The following CFAP46 variants were observed in gnomAD, a reference collection of about 807,000 sequenced individuals.
The protein encoded by CFAP46 is cilia and flagella associated protein 46, also known as cilia- and flagella-associated protein 46.
CFAP46 carries 245 observed loss-of-function variants against 325.7 expected under a neutral mutation model. That is an observed-to-expected ratio of 0.75 (90% CI 0.68 to 0.84). The LOEUF is 0.84. Among genes scored for constraint, CFAP46 ranks in the 40% least tolerant of loss-of-function variants. CFAP46 has a pLI of 0.00. For synonymous variants in CFAP46, 1,523 were observed against 1,495.9 expected (o/e 1.02, Z -0.42); for missense variants, 3,346 against 3,543.0 (o/e 0.94, Z 1.41).
Position 132,913,159 on chromosome 10 carries a change from G to C in CFAP46, c.2220C>G (p.Ala740=), listed in dbSNP as rs1274480736. ...EIQEAWIVQN[A]VVYVLNHNHH... is the part of the protein sequence containing the mutation. Reference sequence around the variant, plus strand: ...GGTTGTGGTTCAGGACGTAGACCACGGCGTTCTGCACAATCCACGCCTCCT... The same window carrying C: ...GGTTGTGGTTCAGGACGTAGACCACCGCGTTCTGCACAATCCACGCCTCCT... The change falls in exon 18 of 58, where the codon GCC becomes GCG. Residue 740 remains alanine, a synonymous_variant. Transcript: ENST00000368586. 1.0e-5 allele frequency: 16 copies of C among 1,550,326 alleles called. No individual in the cohort carries two copies. The Admixed American group carries it at 3.1e-4, about 30-fold the overall frequency.
rs774409241 is a variant in CFAP46 at position 132,857,674 on chromosome 10, C to T, written c.5490G>A (p.Gln1830=). 6.2e-6 allele frequency: 10 copies of T among 1,613,192 alleles called. No individual in the cohort carries two copies. In the South Asian group the frequency reaches 1.1e-4, roughly 18 times the overall value. ...AEEEGRLHSI[Q]GLYGLAQGAM... is the part of the protein sequence containing the mutation. ...CGCCCTGGGCCAGGCCATATAAGCC[C>T]TGGATGCTGTGAAGCCTCCCTTCTT... is the stretch of plus-strand genomic sequence containing the variant. The change falls in exon 39 of 58, where the codon CAG becomes CAA. Residue 1830 remains glutamine (Q), a synonymous_variant. Transcript: ENST00000368586.
chr10:132,940,083 G>A (rs1850072905), intron 4 of CFAP46, among the ~76,000 whole-genome samples: 1 of 152,022 alleles, frequency 6.6e-6, no homozygotes, highest in Non-Finnish European at 1.5e-5. Flanking sequence ...CTTGTCTTTA[G>A]AATCTGTGGC....
At chr10:132,924,167 C>T (rs1363951127) in intron 11 of CFAP46, among the ~76,000 whole-genome samples, 2 of 152,178 alleles carry the variant, frequency 1.3e-5, no homozygotes, top group East Asian at 1.9e-4. Flanking sequence ...CCCCCAGTAC[C>T]TGTCTCCTGC....
intron 55 of CFAP46, among the ~76,000 whole-genome samples, chr10:132,811,567 C>T (rs980104925): frequency 2.0e-5 from 3 of 152,200 alleles, no homozygotes; most frequent in Admixed American, 2.0e-4. Context: ...TCCACGGAAG[C>T]AGGGATCGGG....
At chr10:132,816,328 CTTTTTTT>C (rs1008391673) in intron 50 of CFAP46, among the ~76,000 whole-genome samples, 1 of 118,842 alleles carries the variant, frequency 8.4e-6, no homozygotes, top group African/African-American at 3.2e-5. Context: ...CTGACTTCTT[CTTTTTTT>C]TTTTTTTTTT....
chr10:132,842,577 A>G (rs1054430834), intron 44 of CFAP46, among the ~76,000 whole-genome samples: 6 of 152,222 alleles, frequency 3.9e-5, no homozygotes, highest in African/African-American at 1.2e-4. Flanking sequence ...AGCTGCTTCC[A>G]TATTTTCAAG....
At chr10:132,820,775 G>C (rs553322028) in intron 50 of CFAP46, among the ~76,000 whole-genome samples, 1 of 131,536 alleles carries the variant, frequency 7.6e-6, no homozygotes, top group East Asian at 2.4e-4. Context: ...CTGTGTGTGC[G>C]CTGATGCGTG....
chr10:132,820,976 CTGA>C (rs201299541), intron 50 of CFAP46, among the ~76,000 whole-genome samples: 8 of 114,136 alleles, frequency 7.0e-5, no homozygotes, highest in East Asian at 5.7e-4. Flanking sequence ...TGTGTGTGTG[CTGA>C]TGTGTGCTGT....
chr10:132,836,748 C>T, intron 45 of CFAP46, 69 bp downstream of exon 45: 1 of 1,351,874 alleles, frequency 7.4e-7, no homozygotes, highest in East Asian at 2.3e-5. Context: ...CAGCCCACGG[C>T]TGGGTCTCTG....
rs1405753160 is a variant in CFAP46, at chr10:132,920,241, C to A, written c.1607-59G>T. The A allele has an allele frequency of 1.8e-5, 27 of 1,468,946 alleles. No homozygotes were observed. In the Middle Eastern group the frequency reaches 8.7e-4, roughly 47 times the overall value. 91.0% of individuals were successfully genotyped at this position (1,468,946 alleles called of 1,614,324 possible). ...CTGCTGGCCAAGGGCCGGGGACGTG[C>A]CCATCAGTAACCAATGCCCTGCGCC... is the stretch of plus-strand genomic sequence containing the variant. On this transcript the variant is annotated intron_variant, in intron 13 of 57. Transcript: ENST00000368586.
chr10:132,904,950 C>A (rs1849436038), intron 22 of CFAP46, among the ~76,000 whole-genome samples: 1 of 152,134 alleles, frequency 6.6e-6, no homozygotes, highest in Admixed American at 6.5e-5. Context: ...GACACTTAAT[C>A]CCCACCTATC....
At position 132,939,442 on chromosome 10, in the gene CFAP46, C is replaced by A. The variant is rs1347638981; in HGVS notation, c.372-689G>T. Reference sequence around the variant, plus strand: ...AATCCGGGCCCATCTGCCCTTCTCACTCTAGGGCCACTCCACAGTGGGGCA... The same window carrying A: ...AATCCGGGCCCATCTGCCCTTCTCAATCTAGGGCCACTCCACAGTGGGGCA... On this transcript the variant is annotated intron_variant, in intron 4 of 57. Coordinates refer to ENST00000368586, the MANE Select transcript of CFAP46 (RefSeq NM_001200049.3). This position sits in a 1 kb window ranked among gnomAD's most constrained non-coding sequence, Gnocchi z 4.6. 6.6e-6 allele frequency among the ~76,000 whole-genome samples: 1 copy of A among 152,204 alleles called. No individual in the cohort carries two copies. The highest frequency in any genetic ancestry group is 1.5e-5 in the Non-Finnish European group (1 of 68,030).
At chr10:132,920,234 G>A (rs1849702465) in intron 13 of CFAP46, 52 bp from the exon 14 acceptor site, 1 of 1,479,852 alleles carries the variant, frequency 6.8e-7, no homozygotes, top group Non-Finnish European at 9.0e-7. Context: ...CAAGGGCCGG[G>A]GACGTGCCCA....
At position 132,885,220 on chromosome 10, in the gene CFAP46, C is replaced by G; in HGVS notation, c.3510G>C (p.Gln1170His). 6.4e-7 allele frequency: 1 copy of G among 1,550,490 alleles called. No homozygotes were observed. Among genetic ancestry groups the G allele is most frequent in the Non-Finnish European group, 8.7e-7 (1 of 1,146,972 alleles). The change falls in exon 27 of 58, where the codon CAG (glutamine) becomes CAC (histidine). Residue 1170 changes from glutamine (Q) to histidine (H), a missense_variant. By Grantham distance (24) the Gln-to-His change is conservative. Transcript: ENST00000368586. ...KLGQNFSMEI[Q>H]KFKAESEDYL... ...AGTCCTCACTCTCGGCCTTGAATTTCTGTATTTCCATCGAAAAATTCTGCC... is the reference window on the plus strand; with the variant it reads ...AGTCCTCACTCTCGGCCTTGAATTTGTGTATTTCCATCGAAAAATTCTGCC...
Position 132,839,172 on chromosome 10 carries a change from G to A in CFAP46, c.6439-2258C>T, listed in dbSNP as rs149433189. Among the ~76,000 whole-genome samples, 23 of 152,338 alleles carry A rather than the reference G, an allele frequency of 1.5e-4. No homozygotes were observed. The East Asian group carries it at 4.2e-3, about 28-fold the overall frequency. ...TGGCTGCCCCTTGACTCTCGGCAGG[G>A]CGTTTTTGGTGAACAGAACTTCTGA... is the stretch of plus-strand genomic sequence containing the variant. On this transcript the variant is annotated intron_variant, in intron 44 of 57. Transcript: ENST00000368586.
intron 43 of CFAP46, 52 bp downstream of exon 43, chr10:132,846,880 C>T: frequency 6.4e-7 from 1 of 1,555,172 alleles, no homozygotes. Context: ...AGCCCAGGGT[C>T]CTCCCTCCTC....
At position 132,918,385 on chromosome 10, in the gene CFAP46, T is replaced by C. The variant is rs201714283; in HGVS notation, c.1986+8A>G. On this transcript the variant is annotated splice_region_variant and intron_variant, in intron 16 of 57. Transcript: ENST00000368586. ...CAGCACCGATGAACCCCCCTCTCCA[T>C]GACGCACCTCAGCATGGATGAACCC... is the stretch of plus-strand genomic sequence containing the variant. 6,121 of 1,306,012 alleles carry C rather than the reference T, an allele frequency of 4.7e-3. 12 individuals are homozygous for C. Among genetic ancestry groups the C allele is most frequent in the African/African-American group, 5.4e-3 (291 of 53,770 alleles). 80.9% of individuals were successfully genotyped at this position (1,306,012 alleles called of 1,614,324 possible). A position where few individuals can be genotyped will look rare whatever the true frequency, so the allele number is the denominator to read the frequency against.
At chr10:132,892,650 G>T (rs960813945) in intron 24 of CFAP46, among the ~76,000 whole-genome samples, 4 of 152,050 alleles carry the variant, frequency 2.6e-5, no homozygotes, top group African/African-American at 9.7e-5. Context: ...GTAAATTTTT[G>T]GCAAACAACT....
intron 7 of CFAP46, among the ~76,000 whole-genome samples, chr10:132,935,509 G>T (rs143958271): frequency 4.9e-3 from 560 of 114,700 alleles, no homozygotes; most frequent in South Asian, 8.3e-3. Flanking sequence ...ACTCCCCTCA[G>T]CACCCAAACA....
Sources: allele counts gnomAD v4.1 joint callset (sites outside exome capture counted in the v4.1 genomes callset), GRCh38; gene constraint gnomAD v4.1.1; non-coding constraint Gnocchi (gnomAD v3.1); transcripts MANE v1.5; gene names NCBI Gene and HGNC (gene_info 2026-07-23, HGNC 2026-07-21).